ZFYVE9: variants seen among roughly 807,000 people sequenced by gnomAD.
ZFYVE9 encodes the protein zinc finger FYVE domain-containing protein 9.
Under a neutral mutation model 126.7 loss-of-function variants are expected in ZFYVE9, and 43 were observed. The observed-to-expected ratio is 0.34, with a 90% CI of 0.27 to 0.44. The LOEUF is 0.44. Ranked by LOEUF, ZFYVE9 falls within the 20% of genes least tolerant of loss-of-function variation. The pLI is 1.00. For missense variants in ZFYVE9, 1,476 were observed against 1,697.0 expected (o/e 0.87, Z 2.29); for synonymous variants, 521 against 597.4 (o/e 0.87, Z 1.87).
At chr1:52,170,995 C>T (rs865843758) in intron 1 of ZFYVE9, among the ~76,000 whole-genome samples, 6 of 150,800 alleles carry the variant, frequency 4.0e-5, no homozygotes, top group East Asian at 1.9e-4. Flanking sequence ...AGATTAAGTC[C>T]GATGGTTTTT....
In ZFYVE9 at chr1:52,263,753, T is replaced by TGCC. The variant is rs1557488433; in HGVS notation, c.2179-20_2179-19insGCC. Reference sequence around the variant, plus strand: ...ATCCCAAGTAAATTTTGTGTGTTCTTCCCCCCCCCCCCCCCACAGGTTTTC... The same window carrying TGCC: ...ATCCCAAGTAAATTTTGTGTGTTCTTGCCCCCCCCCCCCCCCCCACAGGTTTTC... On this transcript the variant is annotated intron_variant, in intron 4 of 18. Coordinates refer to ENST00000287727, the MANE Select transcript of ZFYVE9 (RefSeq NM_004799.4). The TGCC allele has an allele frequency of 1.3e-5, 9 of 713,570 alleles. No individual in the cohort carries two copies. Among genetic ancestry groups the TGCC allele is most frequent in the Non-Finnish European group, 1.4e-5 (7 of 490,938 alleles). The allele number at this position is 713,570 out of a possible 1,614,324, so 44.2% of individuals were successfully genotyped here.
At chr1:52,160,224 C>T in intron 1 of ZFYVE9, 2 of 778,844 alleles carry the variant, frequency 2.6e-6, no homozygotes. Flanking sequence ...GCTCCCATCG[C>T]ATCACGACAG....
chr1:52,255,433 A>C (rs1008659333), intron 4 of ZFYVE9, among the ~76,000 whole-genome samples: 3 of 151,972 alleles, frequency 2.0e-5, no homozygotes, highest in African/African-American at 7.3e-5. Flanking sequence ...TAAAAATACA[A>C]AATTAGCCGG....
intron 1 of ZFYVE9, among the ~76,000 whole-genome samples, chr1:52,145,943 T>G (rs1459276085): frequency 6.6e-6 from 1 of 152,008 alleles, no homozygotes; most frequent in East Asian, 1.9e-4. Context: ...TTGTGTATAC[T>G]TGACCTGCAT....
At position 52,238,245 on chromosome 1, in the gene ZFYVE9, T is replaced by G; in HGVS notation, c.828T>G (p.Asp276Glu). 6.2e-7 allele frequency: 1 copy of G among 1,614,088 alleles called. No homozygotes were observed. The highest frequency in any genetic ancestry group is 2.2e-5 in the East Asian group (1 of 44,890). The change falls in exon 4 of 19, where the codon GAT becomes GAG. Residue 276 changes from aspartate to glutamate, a missense_variant. Asp to Glu is a conservative substitution (Grantham distance 45). This residue lies in a region of ZFYVE9 where 807 missense variants were observed against 794.6 expected (regional missense o/e 1.02). Coordinates refer to ENST00000287727, the MANE Select transcript of ZFYVE9 (RefSeq NM_004799.4). The part of the protein sequence containing the change: ...VDSVISSQGT[D>E]GCPAVKKQEN... The stretch of plus-strand genomic sequence containing the variant: ...CAGTAATCTCATCCCAGGGAACAGA[T>G]GGATGTCCTGCTGTTAAAAAGCAAG...
At chr1:52,192,368 G>A (rs116496931) in intron 1 of ZFYVE9, among the ~76,000 whole-genome samples, 166 of 152,258 alleles carry the variant, frequency 1.1e-3, no homozygotes, top group African/African-American at 3.8e-3. Context: ...TTGTTCATCC[G>A]GAGTCTATTA....
chr1:52,327,494 C>T (rs538209695), intron 13 of ZFYVE9, among the ~76,000 whole-genome samples: 6 of 151,174 alleles, frequency 4.0e-5, no homozygotes, highest in South Asian at 2.1e-4. Flanking sequence ...CCCAGCTACT[C>T]GGGAGGCTGA....
At chr1:52,249,068 G>T (rs1255486848) in intron 4 of ZFYVE9, among the ~76,000 whole-genome samples, 1 of 152,168 alleles carries the variant, frequency 6.6e-6, no homozygotes, top group Non-Finnish European at 1.5e-5. Context: ...CTGGTTGTTT[G>T]AAAGTATGTG....
chr1:52,280,321 A>G (rs968082423), intron 9 of ZFYVE9, among the ~76,000 whole-genome samples: 2 of 151,530 alleles, frequency 1.3e-5, no homozygotes, highest in East Asian at 1.9e-4. Context: ...CGGAGGTTGC[A>G]GTGAGCCGAG....
intron 4 of ZFYVE9, among the ~76,000 whole-genome samples, chr1:52,249,487 G>A (rs529217055): frequency 6.6e-6 from 1 of 152,154 alleles, no homozygotes; most frequent in South Asian, 2.1e-4. Flanking sequence ...TTTTTAAATT[G>A]GGTTGTGTTT....
At chr1:52,189,707 TG>T (rs1015702902) in intron 1 of ZFYVE9, among the ~76,000 whole-genome samples, 23 of 152,036 alleles carry the variant, frequency 1.5e-4, no homozygotes, top group African/African-American at 4.1e-4. Context: ...CTTGTGCTTT[TG>T]GTGTCATATT....
intron 13 of ZFYVE9, 144 bp downstream of exon 13, chr1:52,304,069 G>A (rs1646059858): frequency 2.1e-6 from 1 of 472,542 alleles, no homozygotes; most frequent in South Asian, 6.2e-5. Context: ...CAATTATGGG[G>A]AATTTCATTA....
chr1:52,220,310 T>C (rs1294164754), intron 2 of ZFYVE9, among the ~76,000 whole-genome samples: 3 of 152,208 alleles, frequency 2.0e-5, no homozygotes, highest in Non-Finnish European at 4.4e-5. Context: ...AGTCTCATTG[T>C]CTGAATCAGT....
At chr1:52,286,575 C>T (rs1260397778) in intron 10 of ZFYVE9, among the ~76,000 whole-genome samples, 2 of 152,166 alleles carry the variant, frequency 1.3e-5, no homozygotes, top group African/African-American at 4.8e-5. Flanking sequence ...AGGTTGTAGA[C>T]TATATATTGT....
intron 5 of ZFYVE9, among the ~76,000 whole-genome samples, chr1:52,265,252 C>T (rs1433580565): frequency 2.0e-5 from 3 of 152,088 alleles, no homozygotes; most frequent in Admixed American, 6.6e-5. Flanking sequence ...TGATGCTTTT[C>T]GGTGTTCCCT....
intron 1 of ZFYVE9, among the ~76,000 whole-genome samples, chr1:52,152,226 A>T (rs1418551584): frequency 1.3e-5 from 2 of 152,062 alleles, no homozygotes; most frequent in Non-Finnish European, 2.9e-5. Context: ...CTGACCTCAG[A>T]TGATCCACCT....
chr1:52,264,525 T>G (rs994445521), intron 5 of ZFYVE9, among the ~76,000 whole-genome samples: 1 of 152,222 alleles, frequency 6.6e-6, no homozygotes, highest in Non-Finnish European at 1.5e-5. Flanking sequence ...TAAGGGCATA[T>G]TAGTTAAAAA....
chr1:52,274,677 CCTTTCT>C (rs1387502878), intron 8 of ZFYVE9, 93 bp downstream of exon 8: 16 of 1,354,892 alleles, frequency 1.2e-5, no homozygotes, highest in Non-Finnish European at 1.5e-5. Context: ...GTGACATTCA[CCTTTCT>C]CTTATCCAAC....
At chr1:52,200,609 T>A (rs1023870527) in intron 1 of ZFYVE9, among the ~76,000 whole-genome samples, 1 of 152,254 alleles carries the variant, frequency 6.6e-6, no homozygotes, top group African/African-American at 2.4e-5. Flanking sequence ...TCTACTGTTA[T>A]CTTCTAGCAG....
Sources: allele counts gnomAD v4.1 joint callset (sites outside exome capture counted in the v4.1 genomes callset), GRCh38; gene constraint gnomAD v4.1.1; regional missense constraint gnomAD v4.1.1; transcripts MANE v1.5; gene names NCBI Gene and HGNC (gene_info 2026-07-23, HGNC 2026-07-21).